Variants in PCLO observed in about 807,000 individuals in gnomAD.
PCLO encodes the protein piccolo presynaptic cytomatrix protein.
Under a neutral mutation model 427.5 loss-of-function variants are expected in PCLO, and 82 were observed. The ratio of observed to expected loss-of-function variants is 0.19; its 90% CI spans 0.16 to 0.23. The LOEUF (loss-of-function observed/expected upper bound fraction) is 0.23, where lower values mean the gene tolerates loss of function less well. Among genes scored for constraint, PCLO ranks in the 10% least tolerant of loss-of-function variants. PCLO has a pLI of 1.00. For synonymous variants in PCLO, 2,357 were observed against 2,155.4 expected, an observed-to-expected ratio of 1.09 and a Z score of -2.59; for missense variants, 6,239 against 6,115.9, an observed-to-expected ratio of 1.02 and a Z score of -0.67.
rs1387417119 is a variant in PCLO at position 83,141,291 on chromosome 7, GATAGA to G, written c.1894-5640_1894-5636del. Among the ~76,000 whole-genome samples, 6 of 152,200 alleles carry G rather than the reference GATAGA, an allele frequency of 3.9e-5. No homozygotes were observed. The East Asian group carries it at 1.2e-3, about 29-fold the overall frequency. ...AAAAGGGAAGAATCCAACTGTCTTAGATAGATGTCAAGCCTGAACTTTTCCTAAAT... is the reference window on the plus strand; with the variant it reads ...AAAAGGGAAGAATCCAACTGTCTTAGTGTCAAGCCTGAACTTTTCCTAAAT... On this transcript the variant is annotated intron_variant, in intron 2 of 24. Transcript: ENST00000333891.
intron 10 of PCLO, among the ~76,000 whole-genome samples, chr7:82,853,842 G>T (rs1431893158): frequency 6.6e-6 from 1 of 152,100 alleles, no homozygotes; most frequent in African/African-American, 2.4e-5. Flanking sequence ...GATTATACTT[G>T]CTAGGTGACT....
chr7:82,939,535 G>A (rs970896636), intron 6 of PCLO, among the ~76,000 whole-genome samples: 6 of 150,678 alleles, frequency 4.0e-5, no homozygotes, highest in African/African-American at 1.5e-4. Context: ...TGTGTGTGTA[G>A]AAATATATGT....
chr7:83,112,683 T>C (rs917192277), intron 3 of PCLO, among the ~76,000 whole-genome samples: 1 of 152,144 alleles, frequency 6.6e-6, no homozygotes, highest in Admixed American at 6.6e-5. Context: ...GAAAGCTCTT[T>C]TCAAAATCTT....
At chr7:82,964,575 T>G (rs1374089025) in intron 4 of PCLO, among the ~76,000 whole-genome samples, 1 of 151,958 alleles carries the variant, frequency 6.6e-6, no homozygotes, top group Non-Finnish European at 1.5e-5. Flanking sequence ...ATAGTCAAAG[T>G]AGATTTCATA....
At position 82,822,656 on chromosome 7, in the gene PCLO, C is replaced by T; in HGVS notation, c.14630G>A (p.Ser4877Asn). 1 of 1,613,674 alleles carries T rather than the reference C, an allele frequency of 6.2e-7. No individual in the cohort carries two copies. Among genetic ancestry groups the T allele is most frequent in the Non-Finnish European group, 8.5e-7 (1 of 1,179,796 alleles). Residue 4877 changes from serine (S) to asparagine (N), a missense_variant, in exon 20 of 25, where the codon AGT (serine) becomes AAT (asparagine). Transcript: ENST00000333891. ...MQVPTIEKSH[S>N]SPGSSKSSSE... ...TGATGATTTTGAGCTACCAGGACTACTATGGGATTTCTCAATGGTGGGAAC... is the reference window on the plus strand; with the variant it reads ...TGATGATTTTGAGCTACCAGGACTATTATGGGATTTCTCAATGGTGGGAAC...
At chr7:82,937,603 T>C (rs1232045999) in intron 6 of PCLO, among the ~76,000 whole-genome samples, 12 of 151,712 alleles carry the variant, frequency 7.9e-5, no homozygotes, top group Non-Finnish European at 1.8e-4. Flanking sequence ...TAGTATCCCA[T>C]TGCATATTTT....
rs185567440 is a variant in PCLO at position 82,882,463 on chromosome 7, T to C, written c.13529-3001A>G. ...TCTTCAGATGCCATGAAAATGGTCT[T>C]GTTCTTGTGTTCACAGTATGACAGC... On this transcript the variant is annotated intron_variant, in intron 9 of 24. Transcript: ENST00000333891. Among the ~76,000 whole-genome samples the C allele has an allele frequency of 2.0e-4, 31 of 152,280 alleles. No individual in the cohort carries two copies. In the East Asian group the frequency reaches 5.8e-3, roughly 28 times the overall value.
rs189765498 is a variant in PCLO, at chr7:82,977,636, G to A, written c.3301-11149C>T. Reference sequence around the variant, plus strand: ...ACTATGTTGGCCAGGCTGGTCTCAAGTTCCTGACCTCAGGTGATCTGCCTG... The same window carrying A: ...ACTATGTTGGCCAGGCTGGTCTCAAATTCCTGACCTCAGGTGATCTGCCTG... On this transcript the variant is annotated intron_variant, in intron 3 of 24. Transcript: ENST00000333891. Among the ~76,000 whole-genome samples the A allele has an allele frequency of 3.0e-3, 450 of 151,922 alleles. 1 individual carries two copies. Among genetic ancestry groups the A allele is most frequent in the African/African-American group, 0.01 (425 of 41,456 alleles).
At chr7:82,881,794 C>T (rs1307655372) in intron 9 of PCLO, among the ~76,000 whole-genome samples, 3 of 152,018 alleles carry the variant, frequency 2.0e-5, no homozygotes, top group Admixed American at 6.6e-5. Context: ...CTACATGCCA[C>T]CATGCCCACC....
intron 6 of PCLO, among the ~76,000 whole-genome samples, chr7:82,927,930 C>G (rs1368351681): frequency 6.6e-6 from 1 of 152,072 alleles, no homozygotes; most frequent in Non-Finnish European, 1.5e-5. Flanking sequence ...GAGGGGTGAT[C>G]TGAATTTACT....
chr7:82,851,557 A>G (rs1290127698), intron 10 of PCLO, among the ~76,000 whole-genome samples: 2 of 152,116 alleles, frequency 1.3e-5, no homozygotes, highest in African/African-American at 4.8e-5. Flanking sequence ...AGGAAAATGA[A>G]TGTGTTAATA....
chr7:83,035,324 A>C (rs1486132963), intron 3 of PCLO, among the ~76,000 whole-genome samples: 1 of 152,186 alleles, frequency 6.6e-6, no homozygotes, highest in Non-Finnish European at 1.5e-5. Flanking sequence ...TCTTTTATTA[A>C]CTTTCTATTG....
rs776893297 is a variant in PCLO, at chr7:82,914,875, T to C, written c.13111A>G (p.Met4371Val). The change falls in exon 7 of 25, where the codon ATG (methionine) becomes GTG (valine). Residue 4371 changes from methionine to valine, a missense_variant. Met to Val is a conservative substitution (Grantham distance 21, BLOSUM62 1). Coordinates refer to ENST00000333891, the MANE Select transcript of PCLO (RefSeq NM_033026.6). ...CCAGCTGCAGCCCTGGCCATTCCCA[T>C]TGGCTGGCCAACAGGACTGAGTGGG... ...ESPLSPVGQP[M>V]GMARAAAGPL... 2 of 1,613,654 alleles carry C rather than the reference T, an allele frequency of 1.2e-6. No individual in the cohort carries two copies. The highest frequency in any genetic ancestry group is 1.7e-6 in the Non-Finnish European group (2 of 1,179,738).
At chr7:82,946,592 T>C (rs529962603) in intron 6 of PCLO, among the ~76,000 whole-genome samples, 5 of 152,088 alleles carry the variant, frequency 3.3e-5, no homozygotes, top group African/African-American at 9.6e-5. Context: ...TCTGGGGAGA[T>C]AGAGGCACAG....
At chr7:82,811,156 A>C (rs1378353474) in intron 20 of PCLO, among the ~76,000 whole-genome samples, 1 of 151,604 alleles carries the variant, frequency 6.6e-6, no homozygotes, top group Admixed American at 6.6e-5. Flanking sequence ...CAGTCTCTAA[A>C]ATTTTAAGAT....
chr7:82,932,778 TAATG>T (rs989565215), intron 6 of PCLO, among the ~76,000 whole-genome samples: 24 of 152,104 alleles, frequency 1.6e-4, no homozygotes, highest in African/African-American at 5.8e-4. Flanking sequence ...ATTGCACTGT[TAATG>T]CAAATATATT....
chr7:83,017,860 T>C (rs942938273), intron 3 of PCLO: 4 of 152,048 alleles, frequency 2.6e-5, no homozygotes, highest in Admixed American at 1.3e-4. Context: ...ACATTTTAAA[T>C]GGCTAAGAAA....
intron 3 of PCLO, among the ~76,000 whole-genome samples, chr7:83,033,819 CCAT>C (rs1191147908): frequency 3.9e-5 from 6 of 152,124 alleles, no homozygotes; most frequent in Admixed American, 3.9e-4. Flanking sequence ...TTTCTCACCA[CCAT>C]ATTTCCCAAG....
At chr7:82,762,271 C>T (rs1790447171) in intron 22 of PCLO, among the ~76,000 whole-genome samples, 1 of 151,934 alleles carries the variant, frequency 6.6e-6, no homozygotes, top group Non-Finnish European at 1.5e-5. Context: ...AAGCTGAAAC[C>T]AGAAGGATGA....
Sources: gnomAD v4.1 joint callset for allele counts (sites outside exome capture counted in the v4.1 genomes callset) on GRCh38, gnomAD v4.1.1 for gene constraint, MANE v1.5 for transcripts, NCBI Gene and HGNC (gene_info 2026-07-23, HGNC 2026-07-21) for gene names.